Variants in KRT4 observed in about 807,000 individuals in gnomAD.
The protein encoded by KRT4 is keratin, type II cytoskeletal 4.
KRT4 carries 47 observed loss-of-function variants against 50.6 expected under a neutral mutation model. That is an observed-to-expected ratio of 0.93 (90% CI 0.73 to 1.18). KRT4 has a LOEUF of 1.18. KRT4 is among the 50% of genes most tolerant of loss of function. The pLI is 0.00. For synonymous variants in KRT4, 254 were observed against 251.2 expected, an observed-to-expected ratio of 1.01 and a Z score of -0.10; for missense variants, 651 against 645.7, an observed-to-expected ratio of 1.01 and a Z score of -0.09.
intron 6 of KRT4, among the ~76,000 whole-genome samples, chr12:52,808,078 A>G (rs1939833440): frequency 6.6e-6 from 1 of 152,194 alleles, no homozygotes; most frequent in African/African-American, 2.4e-5. Context: ...GCAAAAACCC[A>G]TGAAGAAGAG....
In KRT4 at chr12:52,811,891, G is replaced by T; in HGVS notation, c.549C>A (p.Asn183Lys). ...GGTAGGTCTCAAAGAGGGGCTCAAG[G>T]TTTTTGCTGGAGGTGGTGGTCGTCT... ...QQQTTTTSSK[N>K]LEPLFETYLS... Residue 183 changes from asparagine (N) to lysine (K), a missense_variant, in exon 2 of 9, where the codon AAC becomes AAA. Asn to Lys is a moderately conservative substitution (Grantham distance 94, BLOSUM62 0). Coordinates refer to ENST00000551956, the MANE Select transcript of KRT4 (RefSeq NM_002272.4). 1 of 1,614,106 alleles carries T rather than the reference G, an allele frequency of 6.2e-7. No homozygotes were observed. The highest frequency in any genetic ancestry group is 8.5e-7 in the Non-Finnish European group (1 of 1,180,034).
rs766973552 is a variant in KRT4, at chr12:52,813,859, C to T, written c.200G>A (p.Gly67Glu). 2 of 1,613,504 alleles carry T rather than the reference C, an allele frequency of 1.2e-6. No homozygotes were observed. Among genetic ancestry groups the T allele is most frequent in the Non-Finnish European group, 1.7e-6 (2 of 1,179,504 alleles). Residue 67 changes from glycine (G) to glutamate (E), a missense_variant, in exon 1 of 9, where the codon GGG (glycine) becomes GAG (glutamate). Gly to Glu is a moderately conservative substitution (Grantham distance 98, BLOSUM62 -2). Transcript: ENST00000551956. ...CCCAAAGCAGGCACCTTGTCGTGAC[C>T]CAGCCACACTCATGGAGATGCTTTT... Reference protein sequence around the residue: ...GNKSISMSVAGSRQGACFGGA... With the variant: ...GNKSISMSVAESRQGACFGGA...
At position 52,813,597 on chromosome 12, in the gene KRT4, C is replaced by T. The variant is rs199925655; in HGVS notation, c.462G>A (p.Lys154=). ...CTCTCCAGCCGAGGACACAGCTCAC[C>T]TTGTCGATGAAGGAGGCAAACTTGT... ...LNNKFASFID[K]VQFLEQQNKV... is the part of the protein sequence containing the mutation. The change falls in exon 1 of 9, where the codon AAG becomes AAA. Residue 154 remains lysine (K), a splice_region_variant and synonymous_variant. Transcript: ENST00000551956. 6.2e-7 allele frequency: 1 copy of T among 1,613,844 alleles called. No homozygotes were observed. The highest frequency in any genetic ancestry group is 8.5e-7 in the Non-Finnish European group (1 of 1,179,802).
chr12:52,811,137 C>T (rs1006149819), intron 2 of KRT4, among the ~76,000 whole-genome samples: 7 of 152,170 alleles, frequency 4.6e-5, no homozygotes, highest in Admixed American at 3.9e-4. Flanking sequence ...ATTAAATTCT[C>T]AGCAATGTCA....
rs1440181966 is a variant in KRT4 at position 52,806,996 on chromosome 12, G to A, written c.*73C>T. The stretch of plus-strand genomic sequence containing the variant: ...AGCCCCAGAGACAGAGGATGGAGGT[G>A]AAGTGAAGGAAGCACAGAGACACCA... On this transcript the variant is annotated 3_prime_UTR_variant, in exon 9 of 9. Coordinates refer to ENST00000551956, the MANE Select transcript of KRT4 (RefSeq NM_002272.4). The A allele has an allele frequency of 1.4e-6, 2 of 1,411,600 alleles. No homozygotes were observed. Among genetic ancestry groups the A allele is most frequent in the Non-Finnish European group, 2.0e-6 (2 of 997,996 alleles). 87.4% of individuals were successfully genotyped at this position (1,411,600 alleles called of 1,614,324 possible).
chr12:52,810,787 G>A lies in KRT4; in HGVS notation c.707C>T (p.Ala236Val), dbSNP rs761374408. 2.5e-6 allele frequency: 4 copies of A among 1,614,146 alleles called. No homozygotes were observed. In the Admixed American group the frequency reaches 6.7e-5, roughly 27 times the overall value. ...TAGGACCACAAAGTCATTCTCGGCT[G>A]CTGTGCGTTTGTTGATCTCCTCTTC... is the stretch of plus-strand genomic sequence containing the variant. ...KYEEEINKRT[A>V]AENDFVVLKK... The change falls in exon 3 of 9, where the codon GCA becomes GTA. Residue 236 changes from alanine (A) to valine (V), a missense_variant. Ala to Val is a moderately conservative substitution (Grantham distance 64). Transcript: ENST00000551956.
intron 1 of KRT4, among the ~76,000 whole-genome samples, chr12:52,812,683 A>C (rs961167548): frequency 6.6e-6 from 1 of 152,248 alleles, no homozygotes; most frequent in Non-Finnish European, 1.5e-5. Context: ...GAGATGAGAC[A>C]AGGATGCATC....
At chr12:52,809,520 G>T in intron 3 of KRT4, 42 bp from the exon 4 acceptor site, 1 of 1,391,388 alleles carries the variant, frequency 7.2e-7, no homozygotes, top group Non-Finnish European at 1.0e-6. Flanking sequence ...GAGCAGGAAT[G>T]CCAGTAGGAG....
chr12:52,808,453 TA>T, intron 5 of KRT4, 34 bp from the exon 6 acceptor site: 3 of 1,612,396 alleles, frequency 1.9e-6, no homozygotes, highest in Non-Finnish European at 2.5e-6. Context: ...AACCAGGTGT[TA>T]GGGGCATTTG....
chr12:52,808,590 C>G (rs1939849658), intron 5 of KRT4, 96 bp downstream of exon 5: 1 of 1,513,444 alleles, frequency 6.6e-7, no homozygotes, highest in Admixed American at 1.7e-5. Flanking sequence ...TCATATCTGA[C>G]TTCTATTGGG....
At position 52,808,461 on chromosome 12, in the gene KRT4, T is replaced by A. The variant is rs1939846651; in HGVS notation, c.1000-42A>T. 3.1e-6 allele frequency: 5 copies of A among 1,611,970 alleles called. No homozygotes were observed. The East Asian group carries it at 1.1e-4, about 36-fold the overall frequency. On this transcript the variant is annotated intron_variant, in intron 5 of 8. Coordinates refer to ENST00000551956, the MANE Select transcript of KRT4 (RefSeq NM_002272.4). ...CACAGAGAACCAGGTGTTAGGGGCA[T>A]TTGGGTAGGGTCCATTCTCAAGTGA...
At position 52,806,700 on chromosome 12, in the gene KRT4, G is replaced by A; in HGVS notation, c.*369C>T. Reference sequence around the variant, plus strand: ...GAAGTAGTTTGGTTCTGATGTAGATGGATAATACAGGATCTAGTGGGAGAT... The same window carrying A: ...GAAGTAGTTTGGTTCTGATGTAGATAGATAATACAGGATCTAGTGGGAGAT... On this transcript the variant is annotated 3_prime_UTR_variant, in exon 9 of 9. Transcript: ENST00000551956. The A allele has an allele frequency of 2.9e-6, 1 of 346,074 alleles. No homozygotes were observed. The highest frequency in any genetic ancestry group is 6.8e-5 in the East Asian group (1 of 14,798). The allele number at this position is 346,074 out of a possible 1,614,324, so 21.4% of individuals were successfully genotyped here. A position where few individuals can be genotyped will look rare whatever the true frequency, so the allele number is the denominator to read the frequency against.
intron 3 of KRT4, among the ~76,000 whole-genome samples, chr12:52,809,759 A>G (rs887568299): frequency 2.6e-5 from 4 of 152,236 alleles, no homozygotes; most frequent in African/African-American, 9.6e-5. Context: ...CTGGAATTCC[A>G]CTCAAAGGAA....
chr12:52,811,369 G>T (rs1392398528), intron 2 of KRT4: 2 of 265,638 alleles, frequency 7.5e-6, no homozygotes, highest in African/African-American at 2.2e-5. Flanking sequence ...TTTCAAAGAT[G>T]AATAAAACTG....
chr12:52,808,515 G>A lies in KRT4; in HGVS notation c.1000-96C>T, dbSNP rs533072405. The A allele has an allele frequency of 3.2e-5, 50 of 1,553,682 alleles. No individual in the cohort carries two copies. The African/African-American group carries it at 6.1e-4, about 19-fold the overall frequency. The stretch of plus-strand genomic sequence containing the variant: ...CAGTGAGAATTGCCACAGGTGGCAA[G>A]AATAGCACCAAATGTCAAGTAGTTT... On this transcript the variant is annotated intron_variant, in intron 5 of 8. Transcript: ENST00000551956.
chr12:52,813,605 T>C lies in KRT4; in HGVS notation c.454A>G (p.Ile152Val), dbSNP rs755775692. The change falls in exon 1 of 9, where the codon ATC (isoleucine) becomes GTC (valine). Residue 152 changes from isoleucine to valine, a missense_variant. By Grantham distance (29) the Ile-to-Val change is conservative. Transcript: ENST00000551956. ...KLLNNKFASF[I>V]DKVQFLEQQN... ...CCGAGGACACAGCTCACCTTGTCGA[T>C]GAAGGAGGCAAACTTGTTGTTGAGG... is the stretch of plus-strand genomic sequence containing the variant. 5 of 1,613,940 alleles carry C rather than the reference T, an allele frequency of 3.1e-6. No homozygotes were observed. The highest frequency in any genetic ancestry group is 4.2e-6 in the Non-Finnish European group (5 of 1,179,942).
chr12:52,808,222 G>T, intron 6 of KRT4, 72 bp downstream of exon 6: 1 of 1,577,656 alleles, frequency 6.3e-7, no homozygotes, highest in Non-Finnish European at 8.7e-7. Flanking sequence ...TGCTTTATCT[G>T]CTTGTCCACT....
intron 4 of KRT4, chr12:52,809,075 G>T: frequency 1.6e-6 from 1 of 643,394 alleles, no homozygotes; most frequent in Non-Finnish European, 2.8e-6. Context: ...AGTGAGTGCC[G>T]GTGTGTTGGA....
Position 52,812,805 on chromosome 12 carries a change from A to G in KRT4, c.462+792T>C, listed in dbSNP as rs76090860. Among the ~76,000 whole-genome samples, 1,093 of 152,332 alleles carry G rather than the reference A, an allele frequency of 7.2e-3. 8 individuals carry two copies. The highest frequency in any genetic ancestry group is 0.01 in the Non-Finnish European group (686 of 68,036). ...AGCAAGAAGAACAAATATGCACCTT[A>G]TTCTATTCCAAAAGTGTTCATTCTT... On this transcript the variant is annotated intron_variant, in intron 1 of 8. Transcript: ENST00000551956.
Sources: gnomAD v4.1 joint callset for allele counts (sites outside exome capture counted in the v4.1 genomes callset) on GRCh38, gnomAD v4.1.1 for gene constraint, MANE v1.5 for transcripts, NCBI Gene and HGNC (gene_info 2026-07-23, HGNC 2026-07-21) for gene names.